MACROD2: variants seen among roughly 807,000 people sequenced by gnomAD.
MACROD2 encodes ADP-ribose glycohydrolase MACROD2.
A neutral mutation model predicts 70.4 loss-of-function variants in MACROD2; 36 were observed. That is an observed-to-expected ratio of 0.51 (90% CI 0.39 to 0.68). MACROD2 has a LOEUF of 0.68. MACROD2 is among the 30% of genes least tolerant of loss of function. The pLI, the probability that MACROD2 is intolerant of heterozygous loss-of-function variation, is 0.00. For missense variants in MACROD2, 496 were observed against 538.4 expected, an observed-to-expected ratio of 0.92 and a Z score of 0.78; for synonymous variants, 172 against 178.8, an observed-to-expected ratio of 0.96 and a Z score of 0.30.
At chr20:15,311,771 G>A (rs1474007924) in intron 6 of MACROD2, among the ~76,000 whole-genome samples, 5 of 152,188 alleles carry the variant, frequency 3.3e-5, no homozygotes, top group Middle Eastern at 3.4e-3. Flanking sequence ...AATCGACACT[G>A]GGGACTACTA....
chr20:15,183,321 G>C (rs776301893), intron 5 of MACROD2, among the ~76,000 whole-genome samples: 3 of 151,814 alleles, frequency 2.0e-5, no homozygotes, highest in Non-Finnish European at 1.5e-5. Context: ...GATCGCTTGG[G>C]GCCAGAAGTT....
At chr20:15,711,091 G>C (rs915270332) in intron 8 of MACROD2, among the ~76,000 whole-genome samples, 1 of 152,058 alleles carries the variant, frequency 6.6e-6, no homozygotes, top group African/African-American at 2.4e-5. Flanking sequence ...TTCCTGCTCC[G>C]GTGTCCCCGT....
intron 7 of MACROD2, among the ~76,000 whole-genome samples, chr20:15,468,403 T>C (rs184846431): frequency 6.6e-6 from 1 of 152,360 alleles, no homozygotes; most frequent in African/African-American, 2.4e-5. Context: ...CCTGGTGTTG[T>C]TCCTGTTCCA....
chr20:14,310,552 T>C (rs577644293), intron 3 of MACROD2, among the ~76,000 whole-genome samples: 3 of 152,334 alleles, frequency 2.0e-5, no homozygotes, highest in South Asian at 4.1e-4. Context: ...CATACAGTTA[T>C]GTACAGTACA....
At chr20:14,644,419 A>T (rs1046905518) in intron 4 of MACROD2, among the ~76,000 whole-genome samples, 2 of 152,224 alleles carry the variant, frequency 1.3e-5, no homozygotes. Context: ...TAAATTAAAA[A>T]TTTGGATCCA....
At chr20:15,445,554 G>T (rs2046553125) in intron 7 of MACROD2, among the ~76,000 whole-genome samples, 1 of 152,082 alleles carries the variant, frequency 6.6e-6, no homozygotes, top group Non-Finnish European at 1.5e-5. Context: ...ACCAAATCAT[G>T]TTTCTGTACA....
At chr20:15,799,168 T>C (rs925946299) in intron 8 of MACROD2, among the ~76,000 whole-genome samples, 1 of 152,152 alleles carries the variant, frequency 6.6e-6, no homozygotes, top group South Asian at 2.1e-4. Flanking sequence ...ATCTGGTATG[T>C]CAAAAGAAAC....
chr20:15,091,034 C>T (rs1311752118), intron 5 of MACROD2, among the ~76,000 whole-genome samples: 1 of 151,968 alleles, frequency 6.6e-6, no homozygotes, highest in Non-Finnish European at 1.5e-5. Flanking sequence ...ACCTCCCCAA[C>T]TATAGCATCC....
At chr20:15,881,896 G>A (rs1279916473) in intron 9 of MACROD2, among the ~76,000 whole-genome samples, 3 of 152,066 alleles carry the variant, frequency 2.0e-5, no homozygotes, top group African/African-American at 7.2e-5. Context: ...TTCTTTCATT[G>A]TTATACTTTT....
chr20:14,505,133 T>G (rs1187788345), intron 4 of MACROD2, among the ~76,000 whole-genome samples: 1 of 152,214 alleles, frequency 6.6e-6, no homozygotes, highest in East Asian at 1.9e-4. Context: ...TTCAGTTCTG[T>G]TTTTGAAAAG....
intron 6 of MACROD2, among the ~76,000 whole-genome samples, chr20:15,307,984 A>AT (rs1303292315): frequency 2.0e-5 from 3 of 151,872 alleles, no homozygotes; most frequent in African/African-American, 4.8e-5. Context: ...CAGGTTATGC[A>AT]TTTTTTCAGG....
At chr20:15,943,685 A>G (rs2065781611) in intron 12 of MACROD2, among the ~76,000 whole-genome samples, 1 of 152,138 alleles carries the variant, frequency 6.6e-6, no homozygotes, top group Admixed American at 6.6e-5. Context: ...GAGAGAGGAA[A>G]AGGGTGTGTG....
intron 3 of MACROD2, among the ~76,000 whole-genome samples, chr20:14,485,326 A>G (rs1835776400): frequency 6.6e-6 from 1 of 152,222 alleles, no homozygotes; most frequent in South Asian, 2.1e-4. Context: ...GTCATGGTAT[A>G]TTGATAAAAG....
chr20:14,326,652 A>G lies in MACROD2; in HGVS notation c.272-166827A>G. 6.2e-7 allele frequency: 1 copy of G among 1,613,772 alleles called. No individual in the cohort carries two copies. Among genetic ancestry groups the G allele is most frequent in the Non-Finnish European group, 8.5e-7 (1 of 1,179,816 alleles). ...AATCATCAAAGATACCCTGAGGTAA[A>G]TTACTTAGGTTATTATTGGACATAT... On this transcript the variant is annotated intron_variant, in intron 3 of 17. Transcript: ENST00000684519. The surrounding 1 kb of genome is among the most constrained non-coding windows in gnomAD (Gnocchi z 5.5).
rs546030893 is a variant in MACROD2, at chr20:14,724,746, A to C, written c.418+39787A>C. 9.2e-5 allele frequency among the ~76,000 whole-genome samples: 14 copies of C among 152,334 alleles called. No individual in the cohort carries two copies. The South Asian group carries it at 2.9e-3, about 32-fold the overall frequency. On this transcript the variant is annotated intron_variant, in intron 5 of 17. Transcript: ENST00000684519. The stretch of plus-strand genomic sequence containing the variant: ...AGCATGATCATCTAAGGAGAAAGTC[A>C]TTCAGGTATTAGACAAAGACAGGCT...
chr20:14,161,161 G>C (rs980825637), intron 3 of MACROD2, among the ~76,000 whole-genome samples: 8 of 151,652 alleles, frequency 5.3e-5, no homozygotes, highest in Non-Finnish European at 1.2e-4. Flanking sequence ...TTACTGCAAA[G>C]GACATGATTT....
At chr20:15,484,989 G>C (rs1358422208) in intron 7 of MACROD2, among the ~76,000 whole-genome samples, 1 of 152,134 alleles carries the variant, frequency 6.6e-6, no homozygotes, top group Non-Finnish European at 1.5e-5. Context: ...AGGATCTAAA[G>C]AAAGTTGTTG....
intron 5 of MACROD2, among the ~76,000 whole-genome samples, chr20:14,847,938 C>T (rs1049680241): frequency 2.0e-5 from 3 of 152,076 alleles, no homozygotes; most frequent in Non-Finnish European, 4.4e-5. Flanking sequence ...TCCTTAGAAG[C>T]ATTTATCACT....
chr20:14,435,697 A>G (rs1478005882), intron 3 of MACROD2, among the ~76,000 whole-genome samples: 13 of 144,842 alleles, frequency 9.0e-5, no homozygotes, highest in Non-Finnish European at 2.0e-4. Flanking sequence ...TACATTTCCT[A>G]AAGTTATAGA....
Sources: gnomAD v4.1 joint callset for allele counts (sites outside exome capture counted in the v4.1 genomes callset) on GRCh38, gnomAD v4.1.1 for gene constraint, Gnocchi (gnomAD v3.1) non-coding constraint, MANE v1.5 for transcripts, NCBI Gene and HGNC (gene_info 2026-07-23, HGNC 2026-07-21) for gene names.